The following EPHA3 variants were observed in gnomAD, a reference collection of about 807,000 sequenced individuals.
EPHA3 encodes ephrin type-A receptor 3.
EPHA3 carries 42 observed loss-of-function variants against 107.1 expected under a neutral mutation model. The ratio of observed to expected loss-of-function variants is 0.39; its 90% CI spans 0.31 to 0.51. EPHA3 has a LOEUF of 0.51. Among genes scored for constraint, EPHA3 ranks in the 20% least tolerant of loss-of-function variants. The pLI is 0.78. For missense variants in EPHA3, 1,183 were observed against 1,211.2 expected (o/e 0.98, Z 0.35); for synonymous variants, 461 against 424.8 (o/e 1.09, Z -1.05).
intron 5 of EPHA3, among the ~76,000 whole-genome samples, chr3:89,357,603 A>G (rs79649840): frequency 6.6e-6 from 1 of 151,468 alleles, no homozygotes; most frequent in African/African-American, 2.4e-5. Flanking sequence ...GGATATTTAT[A>G]CAGATTTTCA....
intron 3 of EPHA3, among the ~76,000 whole-genome samples, chr3:89,222,116 T>C (rs1218408678): frequency 6.6e-6 from 1 of 152,024 alleles, no homozygotes; most frequent in Non-Finnish European, 1.5e-5. Flanking sequence ...GCTCCTGCTG[T>C]TGCTGAGGAC....
intron 3 of EPHA3, among the ~76,000 whole-genome samples, chr3:89,265,893 A>G (rs1705528291): frequency 6.6e-6 from 1 of 152,086 alleles, no homozygotes; most frequent in African/African-American, 2.4e-5. Flanking sequence ...CTAGGAAAAA[A>G]TTTCTGTAAG....
At chr3:89,299,460 A>C (rs1337700506) in intron 3 of EPHA3, among the ~76,000 whole-genome samples, 5 of 152,100 alleles carry the variant, frequency 3.3e-5, no homozygotes, top group Admixed American at 2.0e-4. Context: ...ATAGCCTATA[A>C]AACTAAAATA....
At chr3:89,183,131 T>TA (rs1705482701) in intron 2 of EPHA3, among the ~76,000 whole-genome samples, 1 of 151,998 alleles carries the variant, frequency 6.6e-6, no homozygotes, top group African/African-American at 2.4e-5. Context: ...TGTACTCTGA[T>TA]AGTTAAAATA....
chr3:89,154,331 A>C (rs1223627427), intron 2 of EPHA3, among the ~76,000 whole-genome samples: 2 of 151,324 alleles, frequency 1.3e-5, no homozygotes, highest in African/African-American at 4.8e-5. Context: ...TGAGCACTCA[A>C]TAGATATCTG....
At chr3:89,243,146 T>C (rs1201468932) in intron 3 of EPHA3, among the ~76,000 whole-genome samples, 2 of 152,038 alleles carry the variant, frequency 1.3e-5, no homozygotes, top group Non-Finnish European at 2.9e-5. Flanking sequence ...TCTTAATCCA[T>C]TCTATCATTG....
chr3:89,114,896 G>A (rs756444723), intron 1 of EPHA3, among the ~76,000 whole-genome samples: 1 of 152,210 alleles, frequency 6.6e-6, no homozygotes, highest in Non-Finnish European at 1.5e-5. Context: ...GACGGGCCTG[G>A]CAGGTCCTGA....
chr3:89,142,228 A>T (rs536279150), intron 2 of EPHA3, among the ~76,000 whole-genome samples: 1 of 151,492 alleles, frequency 6.6e-6, no homozygotes, highest in Admixed American at 6.6e-5. Context: ...TTTTCCCCCA[A>T]CGTTCAATTT....
chr3:89,151,030 A>G (rs966902144), intron 2 of EPHA3, among the ~76,000 whole-genome samples: 1 of 152,084 alleles, frequency 6.6e-6, no homozygotes, highest in Non-Finnish European at 1.5e-5. Flanking sequence ...TTTACGCTTA[A>G]CAGTAGACCC....
At chr3:89,215,915 C>T (rs1277582159) in intron 3 of EPHA3, among the ~76,000 whole-genome samples, 2 of 151,806 alleles carry the variant, frequency 1.3e-5, no homozygotes, top group Admixed American at 6.6e-5. Flanking sequence ...AAGTATACTT[C>T]TAAAGCTCTA....
intron 11 of EPHA3, among the ~76,000 whole-genome samples, chr3:89,425,986 C>G (rs1434285940): frequency 6.6e-6 from 1 of 151,626 alleles, no homozygotes; most frequent in Non-Finnish European, 1.5e-5. Context: ...TATCTAAACT[C>G]ATAAATCAAC....
intron 3 of EPHA3, among the ~76,000 whole-genome samples, chr3:89,304,491 A>G (rs1481026510): frequency 6.6e-6 from 1 of 151,846 alleles, no homozygotes; most frequent in Non-Finnish European, 1.5e-5. Context: ...AGACCCCTTG[A>G]TGTTCCTCAA....
chr3:89,381,692 C>T (rs80260255), intron 5 of EPHA3, among the ~76,000 whole-genome samples: 2,429 of 151,974 alleles, frequency 0.016, 66 homozygotes, highest in African/African-American at 0.055. Context: ...AAAATTAGGA[C>T]ATGAGCCCTT....
intron 2 of EPHA3, among the ~76,000 whole-genome samples, chr3:89,151,316 G>T (rs1704686074): frequency 6.6e-6 from 1 of 152,014 alleles, no homozygotes; most frequent in South Asian, 2.1e-4. Context: ...CATTATACTG[G>T]CATTCTACTC....
intron 2 of EPHA3, among the ~76,000 whole-genome samples, chr3:89,200,387 G>T (rs1342266683): frequency 6.6e-6 from 1 of 152,146 alleles, no homozygotes; most frequent in Non-Finnish European, 1.5e-5. Flanking sequence ...TTCACTGTGT[G>T]CATTCATAAG....
chr3:89,184,874 CTAAA>C (rs2107127267), intron 2 of EPHA3, among the ~76,000 whole-genome samples: 1 of 152,118 alleles, frequency 6.6e-6, no homozygotes, highest in South Asian at 2.1e-4. Flanking sequence ...GCTCCCAGGA[CTAAA>C]TAGTCTAAGT....
At chr3:89,217,510 T>G (rs1163515432) in intron 3 of EPHA3, among the ~76,000 whole-genome samples, 1 of 152,124 alleles carries the variant, frequency 6.6e-6, no homozygotes, top group Non-Finnish European at 1.5e-5. Context: ...AACACAATCA[T>G]AACGTGGACA....
At chr3:89,258,818 A>G (rs200996212) in intron 3 of EPHA3, among the ~76,000 whole-genome samples, 22 of 152,314 alleles carry the variant, frequency 1.4e-4, no homozygotes, top group East Asian at 7.7e-4. Context: ...AGGTGGGGTG[A>G]ACATGTGACA....
At chr3:89,143,318 T>C (rs897466758) in intron 2 of EPHA3, among the ~76,000 whole-genome samples, 13 of 151,512 alleles carry the variant, frequency 8.6e-5, no homozygotes, top group Non-Finnish European at 1.6e-4. Flanking sequence ...CAATCTGTAC[T>C]ACTAAGTGGC....
Sources: gnomAD v4.1 joint callset for allele counts (sites outside exome capture counted in the v4.1 genomes callset) on GRCh38, gnomAD v4.1.1 for gene constraint, MANE v1.5 for transcripts, NCBI Gene and HGNC (gene_info 2026-07-23, HGNC 2026-07-21) for gene names.